Variants in DNAH1 observed in about 807,000 individuals in gnomAD.
The protein encoded by DNAH1 is axonemal beta dynein heavy chain 1.
Under a neutral mutation model 484.3 loss-of-function variants are expected in DNAH1, and 327 were observed. The observed-to-expected ratio is 0.68, with a 90% CI of 0.62 to 0.74. The LOEUF (loss-of-function observed/expected upper bound fraction) is 0.74, where lower values mean the gene tolerates loss of function less well. DNAH1 is among the 30% of genes least tolerant of loss of function. DNAH1 has a pLI of 0.00. For missense variants in DNAH1, 5,052 were observed against 5,546.8 expected, an observed-to-expected ratio of 0.91 and a Z score of 2.83; for synonymous variants, 2,192 against 2,191.9, an observed-to-expected ratio of 1.00 and a Z score of 0.00.
At chr3:52,384,235 G>C (rs9868332) in intron 52 of DNAH1, among the ~76,000 whole-genome samples, 2 of 152,220 alleles carry the variant, frequency 1.3e-5, no homozygotes, top group Non-Finnish European at 2.9e-5. Context: ...AGGGTGCTGC[G>C]CACACAGCTG....
chr3:52,375,911 G>A (rs376808664), intron 45 of DNAH1, 44 bp from the exon 46 acceptor site: 1 of 1,607,608 alleles, frequency 6.2e-7, no homozygotes, highest in Non-Finnish European at 8.5e-7. Flanking sequence ...GCAGCAAGAG[G>A]TCCACCTAAC....
chr3:52,393,452 T>G lies in DNAH1; in HGVS notation c.10593T>G (p.Val3531=). The change falls in exon 66 of 78, where the codon GTT becomes GTG. Residue 3531 remains valine (V), a synonymous_variant. Coordinates refer to ENST00000420323, the MANE Select transcript of DNAH1 (RefSeq NM_015512.5). ...HKLMFAFLLC[V]RIMMNEGKIN... is the part of the protein sequence containing the mutation. Reference sequence around the variant, plus strand: ...TGATGTTTGCCTTCCTGCTGTGTGTTCGCATCATGATGAACGAGGGCAAAA... The same window carrying G: ...TGATGTTTGCCTTCCTGCTGTGTGTGCGCATCATGATGAACGAGGGCAAAA... The G allele has an allele frequency of 3.1e-6, 5 of 1,614,028 alleles. No individual in the cohort carries two copies. The highest frequency in any genetic ancestry group is 4.2e-6 in the Non-Finnish European group (5 of 1,179,894).
chr3:52,376,495 C>G (rs777234923), intron 46 of DNAH1, among the ~76,000 whole-genome samples: 9 of 152,212 alleles, frequency 5.9e-5, no homozygotes, highest in Non-Finnish European at 1.0e-4. Flanking sequence ...TCTGCACCCA[C>G]CTGCTTACCT....
intron 21 of DNAH1, among the ~76,000 whole-genome samples, chr3:52,356,008 G>T (rs1454424653): frequency 6.6e-6 from 1 of 152,252 alleles, no homozygotes; most frequent in Non-Finnish European, 1.5e-5. Flanking sequence ...CCAGGGCCTG[G>T]CACAGTCCTG....
chr3:52,373,087 G>A, intron 44 of DNAH1, 34 bp downstream of exon 44: 4 of 1,586,476 alleles, frequency 2.5e-6, no homozygotes, highest in Non-Finnish European at 3.4e-6. Context: ...CAGGGCAAGG[G>A]CTACGCGTGC....
intron 8 of DNAH1, among the ~76,000 whole-genome samples, chr3:52,336,250 C>T (rs1701740029): frequency 6.6e-6 from 1 of 152,108 alleles, no homozygotes; most frequent in East Asian, 1.9e-4. Context: ...TGAGGTCTGA[C>T]ATTTAAATCT....
At chr3:52,391,120 G>A (rs528263121) in intron 61 of DNAH1, 59 bp from the exon 62 acceptor site, 66 of 1,608,570 alleles carry the variant, frequency 4.1e-5, no homozygotes, top group South Asian at 7.8e-5. Flanking sequence ...GTGGTGAGCC[G>A]CAGAGCCTCA....
chr3:52,345,412 C>G, intron 9 of DNAH1, 83 bp from the exon 10 acceptor site: 1 of 1,218,814 alleles, frequency 8.2e-7, no homozygotes, highest in Non-Finnish European at 1.2e-6. Context: ...CATGGCCCTC[C>G]TTCAAGCACC....
At chr3:52,343,763 G>T (rs1357392556) in intron 8 of DNAH1, among the ~76,000 whole-genome samples, 1 of 152,170 alleles carries the variant, frequency 6.6e-6, no homozygotes, top group Non-Finnish European at 1.5e-5. Context: ...GAACAGAAAG[G>T]CCTGTCCGCA....
intron 53 of DNAH1, among the ~76,000 whole-genome samples, 169 bp downstream of exon 53, chr3:52,385,146 C>T (rs1415434446): frequency 2.0e-5 from 3 of 152,250 alleles, no homozygotes; most frequent in African/African-American, 7.2e-5. Flanking sequence ...CAGTCAAGGG[C>T]CAGGCCAAAG....
rs1258189052 is a variant in DNAH1 at position 52,368,345 on chromosome 3, C to T, written c.5766-396C>T. On this transcript the variant is annotated intron_variant, in intron 36 of 77. Coordinates refer to ENST00000420323, the MANE Select transcript of DNAH1 (RefSeq NM_015512.5). The surrounding 1 kb of genome is among the most constrained non-coding windows in gnomAD (Gnocchi z 4.4). ...GCCCCTTCCCTGGTGCGTGCTGCCT[C>T]TGAGGTCTGAGTCCCCTGGGTTCTG... Among the ~76,000 whole-genome samples the T allele has an allele frequency of 6.6e-6, 1 of 152,174 alleles. No individual in the cohort carries two copies. Among genetic ancestry groups the T allele is most frequent in the Non-Finnish European group, 1.5e-5 (1 of 68,030 alleles).
At chr3:52,389,647 A>T in intron 60 of DNAH1, 61 bp downstream of exon 60, 1 of 1,288,556 alleles carries the variant, frequency 7.8e-7, no homozygotes. Flanking sequence ...AGGCTGGGCC[A>T]GGAGCCTTCT....
intron 50 of DNAH1, 67 bp downstream of exon 50, chr3:52,382,522 C>T: frequency 1.3e-6 from 2 of 1,587,042 alleles, no homozygotes; most frequent in Non-Finnish European, 1.7e-6. Context: ...AGCATAGCAT[C>T]CCGGAAGGTG....
chr3:52,348,990 G>T lies in DNAH1; in HGVS notation c.2209G>T (p.Val737Leu). 6.2e-7 allele frequency: 1 copy of T among 1,613,352 alleles called. No homozygotes were observed. The change falls in exon 13 of 78, where the codon GTG (valine) becomes TTG (leucine). Residue 737 changes from valine (V) to leucine (L), a missense_variant. Coordinates refer to ENST00000420323, the MANE Select transcript of DNAH1 (RefSeq NM_015512.5). ...EELRATIASA[V>L]SKAMIPLQAY... ...GCTACGGGCCACCATTGCCAGTGCCGTGTCCAAGGCCATGATCCCACTGCA... is the reference window on the plus strand; with the variant it reads ...GCTACGGGCCACCATTGCCAGTGCCTTGTCCAAGGCCATGATCCCACTGCA...
intron 63 of DNAH1, 31 bp downstream of exon 63, chr3:52,391,634 A>G (rs1176352613): frequency 6.2e-7 from 1 of 1,612,580 alleles, no homozygotes; most frequent in Admixed American, 1.7e-5. Context: ...ACGCCCAAGC[A>G]TCAGCTCTGC....
chr3:52,315,436 G>A (rs1474328703), upstream of DNAH1, among the ~76,000 whole-genome samples: 1 of 152,214 alleles, frequency 6.6e-6, no homozygotes, highest in Non-Finnish European at 1.5e-5. Context: ...GGAGACACAG[G>A]GGAGGGGGTG....
chr3:52,333,346 A>G (rs1701620699), intron 8 of DNAH1, among the ~76,000 whole-genome samples: 1 of 145,312 alleles, frequency 6.9e-6, no homozygotes, highest in South Asian at 2.2e-4. Flanking sequence ...TTGACTTACC[A>G]TTTTTCTTTT....
Position 52,364,810 on chromosome 3 carries a change from G to A in DNAH1, c.5332-23G>A, listed in dbSNP as rs1309621807. The A allele has an allele frequency of 2.5e-6, 4 of 1,610,434 alleles. No individual in the cohort carries two copies. In the South Asian group the frequency reaches 4.4e-5, roughly 18 times the overall value. Reference sequence around the variant, plus strand: ...AGGGCAGCTGGCCCACTGCCCTGAAGGCTCAGCCGGCACCTGCTGCAGGAG... The same window carrying A: ...AGGGCAGCTGGCCCACTGCCCTGAAAGCTCAGCCGGCACCTGCTGCAGGAG... On this transcript the variant is annotated intron_variant, in intron 33 of 77. Transcript: ENST00000420323. This position sits in a 1 kb window ranked among gnomAD's most constrained non-coding sequence, Gnocchi z 4.2.
Position 52,392,849 on chromosome 3 carries a change from A to C in DNAH1, c.10298A>C (p.Glu3433Ala). The C allele has an allele frequency of 6.6e-7, 1 of 1,513,794 alleles. No individual in the cohort carries two copies. Among genetic ancestry groups the C allele is most frequent in the Non-Finnish European group, 8.9e-7 (1 of 1,119,500 alleles). 93.8% of individuals were successfully genotyped at this position (1,513,794 alleles called of 1,614,324 possible). A position where few individuals can be genotyped will look rare whatever the true frequency, so the allele number is the denominator to read the frequency against. Residue 3433 changes from glutamate (E) to alanine (A), a missense_variant, in exon 65 of 78, where the codon GAG becomes GCG. Coordinates refer to ENST00000420323, the MANE Select transcript of DNAH1 (RefSeq NM_015512.5). ...CCACAGGCCAAAGTCAGGATTGCAG[A>C]GCAGACGGAGAAGGACATCGACCTG... Reference protein sequence around the residue: ...AEIQAKVRIAEQTEKDIDLTR... With the variant: ...AEIQAKVRIAAQTEKDIDLTR...
Sources: gnomAD v4.1 joint callset for allele counts (sites outside exome capture counted in the v4.1 genomes callset) on GRCh38, gnomAD v4.1.1 for gene constraint, Gnocchi (gnomAD v3.1) non-coding constraint, MANE v1.5 for transcripts, NCBI Gene and HGNC (gene_info 2026-07-23, HGNC 2026-07-21) for gene names.